ADGRB3: variants seen among roughly 807,000 people sequenced by gnomAD.
The protein encoded by ADGRB3 is adhesion G protein-coupled receptor B3, also known as brain-specific angiogenesis inhibitor 3.
ADGRB3 carries 37 observed loss-of-function variants against 193.4 expected under a neutral mutation model. The ratio of observed to expected loss-of-function variants is 0.19; its 90% confidence interval spans 0.15 to 0.25. The LOEUF (loss-of-function observed/expected upper bound fraction) is 0.25, where lower values mean the gene tolerates loss of function less well. Ranked by LOEUF, ADGRB3 falls within the 10% of genes least tolerant of loss-of-function variation. The pLI is 1.00. For synonymous variants in ADGRB3, 690 were observed against 644.2 expected (o/e 1.07, Z -1.08); for missense variants, 1,637 against 1,852.9 (o/e 0.88, Z 2.14).
At chr6:68,996,462 C>A (rs1039995570) in intron 11 of ADGRB3, among the ~76,000 whole-genome samples, 1 of 152,176 alleles carries the variant, frequency 6.6e-6, no homozygotes, top group Non-Finnish European at 1.5e-5. Flanking sequence ...TCCCGAATGA[C>A]AACTTGAAGT....
At chr6:68,792,571 G>A (rs142793567) in intron 3 of ADGRB3, among the ~76,000 whole-genome samples, 1 of 152,208 alleles carries the variant, frequency 6.6e-6, no homozygotes, top group Non-Finnish European at 1.5e-5. Flanking sequence ...TATTTGTGTT[G>A]TCCTGGAACA....
At chr6:68,755,338 A>T (rs1766278376) in intron 3 of ADGRB3, among the ~76,000 whole-genome samples, 1 of 152,150 alleles carries the variant, frequency 6.6e-6, no homozygotes, top group African/African-American at 2.4e-5. Flanking sequence ...GTTGGAGGGG[A>T]GGTCCAGTGT....
chr6:69,055,458 T>A (rs977844382), intron 15 of ADGRB3, among the ~76,000 whole-genome samples: 2 of 152,226 alleles, frequency 1.3e-5, no homozygotes, highest in Non-Finnish European at 2.9e-5. Flanking sequence ...TAGCATATGA[T>A]AAGTTTTTTT....
chr6:68,863,732 C>T (rs1034563876), intron 3 of ADGRB3, among the ~76,000 whole-genome samples: 2 of 152,066 alleles, frequency 1.3e-5, no homozygotes, highest in African/African-American at 2.4e-5. Flanking sequence ...CTAAGTTTTC[C>T]AAATGGCTGA....
At chr6:69,382,637 T>G (rs561354854) in intron 30 of ADGRB3, among the ~76,000 whole-genome samples, 194 bp from the exon 31 acceptor site, 1 of 151,920 alleles carries the variant, frequency 6.6e-6, no homozygotes, top group Non-Finnish European at 1.5e-5. Context: ...AAAAAGCCAA[T>G]TCTTAATGTG....
At chr6:68,848,358 G>A (rs1204020507) in intron 3 of ADGRB3, among the ~76,000 whole-genome samples, 1 of 151,876 alleles carries the variant, frequency 6.6e-6, no homozygotes, top group Non-Finnish European at 1.5e-5. Context: ...ACAAATCAAA[G>A]GGGAAATGCT....
chr6:69,178,435 T>C (rs1413512136), intron 17 of ADGRB3, among the ~76,000 whole-genome samples: 1 of 152,214 alleles, frequency 6.6e-6, no homozygotes, highest in Non-Finnish European at 1.5e-5. Context: ...GTGCCTTTTA[T>C]GAGGGACAAT....
In ADGRB3 at chr6:68,850,908, A is replaced by G. The variant is rs1028423863; in HGVS notation, c.758-79651A>G. 5.9e-5 allele frequency among the ~76,000 whole-genome samples: 9 copies of G among 152,014 alleles called. 1 individual carries two copies. The highest frequency in any genetic ancestry group is 2.2e-4 in the African/African-American group (9 of 41,446). On this transcript the variant is annotated intron_variant, in intron 3 of 31. Coordinates refer to ENST00000370598, the MANE Select transcript of ADGRB3 (RefSeq NM_001704.3). The stretch of plus-strand genomic sequence containing the variant: ...ATATTGATCCTCAACTTGTGTTCAT[A>G]AGTCTGATAGACATTTTAATCATGT...
intron 4 of ADGRB3, among the ~76,000 whole-genome samples, 191 bp from the exon 5 acceptor site, chr6:68,936,328 G>A (rs1327602572): frequency 6.6e-6 from 1 of 152,140 alleles, no homozygotes; most frequent in Non-Finnish European, 1.5e-5. Context: ...AAAACTTGGT[G>A]TTTGCATCAG....
intron 11 of ADGRB3, among the ~76,000 whole-genome samples, chr6:68,997,522 A>C (rs2150277038): frequency 6.8e-6 from 1 of 147,270 alleles, no homozygotes; most frequent in Admixed American, 6.7e-5. Context: ...AGTGCATGGT[A>C]GTGCATGCCT....
At position 68,874,476 on chromosome 6, in the gene ADGRB3, C is replaced by A. The variant is rs540426028; in HGVS notation, c.758-56083C>A. 1.8e-4 allele frequency among the ~76,000 whole-genome samples: 27 copies of A among 152,048 alleles called. No individual in the cohort carries two copies. The East Asian group carries it at 5.2e-3, about 29-fold the overall frequency. Reference sequence around the variant, plus strand: ...GCATTTAGTGTGGCTGACACTCTGGCCTTTTAGAAGTTAATAATAAATAAA... The same window carrying A: ...GCATTTAGTGTGGCTGACACTCTGGACTTTTAGAAGTTAATAATAAATAAA... On this transcript the variant is annotated intron_variant, in intron 3 of 31. Transcript: ENST00000370598.
At chr6:69,073,414 G>T (rs1369406498) in intron 16 of ADGRB3, among the ~76,000 whole-genome samples, 1 of 152,158 alleles carries the variant, frequency 6.6e-6, no homozygotes, top group Non-Finnish European at 1.5e-5. Flanking sequence ...TCAGCTAAGA[G>T]CCGGGTTCTT....
chr6:68,661,515 G>A (rs1468108349), intron 3 of ADGRB3, among the ~76,000 whole-genome samples: 3 of 60,794 alleles, frequency 4.9e-5, no homozygotes, highest in Non-Finnish European at 8.9e-5. Context: ...ATATATGTGT[G>A]TATACATATA....
At chr6:68,794,612 A>G (rs1466311608) in intron 3 of ADGRB3, among the ~76,000 whole-genome samples, 1 of 152,136 alleles carries the variant, frequency 6.6e-6, no homozygotes, top group African/African-American at 2.4e-5. Flanking sequence ...GGAATTAAGT[A>G]ATTTACCCAA....
At chr6:68,783,891 T>G (rs1766907798) in intron 3 of ADGRB3, among the ~76,000 whole-genome samples, 1 of 152,042 alleles carries the variant, frequency 6.6e-6, no homozygotes, top group African/African-American at 2.4e-5. Context: ...GATGGGAGTT[T>G]AAATGTTACC....
chr6:69,319,044 C>T (rs554940008), intron 20 of ADGRB3, among the ~76,000 whole-genome samples: 47 of 150,842 alleles, frequency 3.1e-4, no homozygotes, highest in African/African-American at 1.0e-3. Context: ...TGTTAATTTC[C>T]GATTTTATCT....
chr6:69,299,977 T>G (rs1230005150), intron 20 of ADGRB3, among the ~76,000 whole-genome samples: 1 of 151,742 alleles, frequency 6.6e-6, no homozygotes, highest in Non-Finnish European at 1.5e-5. Flanking sequence ...TTGAGTTGTG[T>G]GGACATATTA....
rs548310103 is a variant in ADGRB3, at chr6:68,738,143, C to A, written c.757+98711C>A. 1.7e-4 allele frequency among the ~76,000 whole-genome samples: 26 copies of A among 152,138 alleles called. No homozygotes were observed. The South Asian group carries it at 4.6e-3, about 27-fold the overall frequency. The stretch of plus-strand genomic sequence containing the variant: ...TAAGGGTTCTCATCAGAAGAAATGG[C>A]AAATGCAAATACATAAAACAAAAGC... On this transcript the variant is annotated intron_variant, in intron 3 of 31. Coordinates refer to ENST00000370598, the MANE Select transcript of ADGRB3 (RefSeq NM_001704.3).
chr6:68,688,862 T>C (rs1281071847), intron 3 of ADGRB3, among the ~76,000 whole-genome samples: 2 of 152,084 alleles, frequency 1.3e-5, no homozygotes, highest in Non-Finnish European at 2.9e-5. Context: ...ATTTCTGAAG[T>C]CTAACATTTT....
Sources: allele counts gnomAD v4.1 joint callset (sites outside exome capture counted in the v4.1 genomes callset), GRCh38; gene constraint gnomAD v4.1.1; transcripts MANE v1.5; gene names NCBI Gene and HGNC (gene_info 2026-07-23, HGNC 2026-07-21).